Variants in MARCHF1 observed in about 807,000 individuals in gnomAD.
MARCHF1 encodes membrane associated ring-CH-type finger 1, also known as E3 ubiquitin-protein ligase MARCHF1.
MARCHF1 carries 40 observed loss-of-function variants against 54.2 expected under a neutral mutation model. That is an observed-to-expected ratio of 0.74 (90% CI 0.57 to 0.96). The LOEUF is 0.96. Ranked by LOEUF, MARCHF1 falls within the 40% of genes least tolerant of loss-of-function variation. The probability of loss-of-function intolerance (pLI) is 0.00; values close to 1 mark genes in which losing one functional copy is unlikely to be tolerated. For missense variants in MARCHF1, 586 were observed against 656.5 expected (o/e 0.89, Z 1.17); for synonymous variants, 236 against 236.3 (o/e 1.00, Z 0.01).
intron 5 of MARCHF1, 123 bp downstream of exon 5, chr4:163,700,690 C>T (rs538099144): frequency 1.5e-4 from 109 of 730,608 alleles, no homozygotes; most frequent in Non-Finnish European, 2.3e-4. Flanking sequence ...AGAGTTAAAA[C>T]CATGAACAAA....
chr4:163,724,954 C>G (rs189300354), intron 4 of MARCHF1, among the ~76,000 whole-genome samples: 1 of 152,258 alleles, frequency 6.6e-6, no homozygotes, highest in African/African-American at 2.4e-5. Flanking sequence ...CCTTGCACTT[C>G]CCGGGTGAGG....
intron 2 of MARCHF1, among the ~76,000 whole-genome samples, chr4:164,045,496 AG>A (rs1754223095): frequency 6.7e-6 from 1 of 148,536 alleles, no homozygotes; most frequent in South Asian, 2.1e-4. Context: ...TGGGTGGTGG[AG>A]TGAGACTCCA....
chr4:164,101,091 G>C (rs558489153), intron 2 of MARCHF1, among the ~76,000 whole-genome samples: 1 of 152,208 alleles, frequency 6.6e-6, no homozygotes, highest in Admixed American at 6.5e-5. Flanking sequence ...ATTATATCCC[G>C]CACCTGGCTC....
intron 3 of MARCHF1, among the ~76,000 whole-genome samples, chr4:163,951,200 A>G (rs1361921370): frequency 6.6e-6 from 1 of 152,242 alleles, no homozygotes; most frequent in Admixed American, 6.5e-5. Context: ...ATAGCCAGAT[A>G]TATTTGCACT....
chr4:163,567,793 G>C (rs1357991862), intron 8 of MARCHF1, among the ~76,000 whole-genome samples: 1 of 152,066 alleles, frequency 6.6e-6, no homozygotes, highest in Non-Finnish European at 1.5e-5. Context: ...TCAGCAGCAT[G>C]TAAACAGACT....
intron 3 of MARCHF1, among the ~76,000 whole-genome samples, chr4:163,892,982 T>G (rs1750694184): frequency 6.6e-6 from 1 of 151,980 alleles, no homozygotes; most frequent in Non-Finnish European, 1.5e-5. Context: ...GTGGATAGCA[T>G]TATAGCAAAA....
At chr4:164,216,068 C>T (rs2111133856) in intron 1 of MARCHF1, among the ~76,000 whole-genome samples, 1 of 152,252 alleles carries the variant, frequency 6.6e-6, no homozygotes, top group African/African-American at 2.4e-5. Flanking sequence ...GAGTCAGAGA[C>T]ATAGGAAATG....
intron 5 of MARCHF1, among the ~76,000 whole-genome samples, chr4:163,620,936 A>G (rs1406843588): frequency 6.6e-6 from 1 of 152,224 alleles, no homozygotes; most frequent in Non-Finnish European, 1.5e-5. Flanking sequence ...ATGATGTCAT[A>G]AATGACAACT....
intron 4 of MARCHF1, among the ~76,000 whole-genome samples, chr4:163,781,269 T>C (rs1747459213): frequency 6.6e-6 from 1 of 152,172 alleles, no homozygotes; most frequent in African/African-American, 2.4e-5. Context: ...GAGAATTGCT[T>C]GAACCTGGAA....
At chr4:164,348,299 G>A (rs1730172904) in intron 1 of MARCHF1, among the ~76,000 whole-genome samples, 1 of 152,092 alleles carries the variant, frequency 6.6e-6, no homozygotes, top group South Asian at 2.1e-4. Context: ...AGGAAGAAAG[G>A]AAGAAGAAAG....
chr4:164,234,860 A>T (rs965179919), intron 1 of MARCHF1: 3 of 152,114 alleles, frequency 2.0e-5, no homozygotes, highest in Non-Finnish European at 2.9e-5. Flanking sequence ...TCAGCAACTG[A>T]ATTTCTACTC....
chr4:163,714,520 T>C (rs571765285), intron 4 of MARCHF1, among the ~76,000 whole-genome samples: 6 of 152,338 alleles, frequency 3.9e-5, no homozygotes, highest in African/African-American at 1.4e-4. Flanking sequence ...CACATTTACT[T>C]TCTTTAACAC....
chr4:163,811,653 T>TA (rs1220584939), intron 4 of MARCHF1, among the ~76,000 whole-genome samples: 1 of 152,170 alleles, frequency 6.6e-6, no homozygotes, highest in Non-Finnish European at 1.5e-5. Context: ...GAATTACAGA[T>TA]AAAATAAAGC....
At chr4:163,725,894 G>A (rs1745637899) in intron 4 of MARCHF1, among the ~76,000 whole-genome samples, 1 of 152,130 alleles carries the variant, frequency 6.6e-6, no homozygotes, top group Non-Finnish European at 1.5e-5. Flanking sequence ...AAACAACTAT[G>A]CTTAGGATGA....
chr4:163,613,504 T>C, intron 5 of MARCHF1, 111 bp from the exon 6 acceptor site: 2 of 1,611,154 alleles, frequency 1.2e-6, no homozygotes, highest in Non-Finnish European at 1.7e-6. Context: ...CTGCTGGTCA[T>C]GTTGCTTATA....
intron 1 of MARCHF1, among the ~76,000 whole-genome samples, chr4:164,338,667 T>C (rs1309974475): frequency 6.6e-6 from 1 of 152,176 alleles, no homozygotes; most frequent in East Asian, 1.9e-4. Context: ...AAGGTCATTA[T>C]ATAAGGATAA....
At chr4:164,211,878 T>G (rs1351943975) in intron 1 of MARCHF1, among the ~76,000 whole-genome samples, 2 of 152,110 alleles carry the variant, frequency 1.3e-5, no homozygotes, top group East Asian at 3.9e-4. Context: ...TAAATTTAAA[T>G]GAATATTTTT....
chr4:164,131,167 C>T (rs1239908441), intron 1 of MARCHF1, among the ~76,000 whole-genome samples: 1 of 152,046 alleles, frequency 6.6e-6, no homozygotes, highest in Non-Finnish European at 1.5e-5. Context: ...ACAAGCTTTA[C>T]TTGAGGTGCT....
chr4:163,689,228 ATTACC>A (rs1744365638), intron 5 of MARCHF1, among the ~76,000 whole-genome samples: 1 of 152,172 alleles, frequency 6.6e-6, no homozygotes, highest in South Asian at 2.1e-4. Context: ...TAAGAAAAAT[ATTACC>A]TTAATTCAAC....
Sources: gnomAD v4.1 joint callset for allele counts (sites outside exome capture counted in the v4.1 genomes callset) on GRCh38, gnomAD v4.1.1 for gene constraint, MANE v1.5 for transcripts, NCBI Gene and HGNC (gene_info 2026-07-23, HGNC 2026-07-21) for gene names.